The following PTPRA variants were observed in gnomAD, a reference collection of about 807,000 sequenced individuals.
PTPRA encodes the protein protein tyrosine phosphatase receptor type A.
In PTPRA, 25 loss-of-function variants were observed where a neutral mutation model predicts 104.8. That is an observed-to-expected ratio of 0.24 (90% CI 0.17 to 0.33). PTPRA has a LOEUF of 0.33. Ranked by LOEUF, PTPRA falls within the 10% of genes least tolerant of loss-of-function variation. PTPRA has a pLI of 1.00. For missense variants in PTPRA, 765 were observed against 1,015.3 expected (o/e 0.75, Z 3.35); for synonymous variants, 323 against 368.9 (o/e 0.88, Z 1.43).
chr20:2,916,989 C>T (rs1457079887), intron 1 of PTPRA, among the ~76,000 whole-genome samples: 3 of 144,508 alleles, frequency 2.1e-5, no homozygotes, highest in Admixed American at 6.9e-5. Context: ...ACAGAGTCTC[C>T]CTCTATTGCC....
At chr20:2,977,523 T>C (rs1224160301) in intron 6 of PTPRA, among the ~76,000 whole-genome samples, 1 of 151,278 alleles carries the variant, frequency 6.6e-6, no homozygotes, top group African/African-American at 2.4e-5. Context: ...TACGTACCTG[T>C]AGTCCCAGCC....
intron 3 of PTPRA, among the ~76,000 whole-genome samples, chr20:2,948,900 C>A (rs1418478112): frequency 6.6e-6 from 1 of 151,908 alleles, no homozygotes; most frequent in South Asian, 2.1e-4. Context: ...TGCAGTGAGC[C>A]GAGATTGCAC....
At chr20:3,020,733 C>T (rs569036618) in intron 13 of PTPRA, among the ~76,000 whole-genome samples, 1 of 152,166 alleles carries the variant, frequency 6.6e-6, no homozygotes, top group African/African-American at 2.4e-5. Context: ...TCACCTTGAT[C>T]CTAGGGTATC....
At chr20:2,915,806 GGT>G (rs2059883567) in intron 1 of PTPRA, among the ~76,000 whole-genome samples, 1 of 152,058 alleles carries the variant, frequency 6.6e-6, no homozygotes, top group Non-Finnish European at 1.5e-5. Flanking sequence ...TCAGCAAGAT[GGT>G]GCCCATCTCT....
chr20:3,032,750 G>A (rs2065558488), intron 20 of PTPRA, among the ~76,000 whole-genome samples: 1 of 148,878 alleles, frequency 6.7e-6, no homozygotes, highest in Admixed American at 6.7e-5. Context: ...TGGTGGCAGA[G>A]TGAGACTCCA....
intron 2 of PTPRA, among the ~76,000 whole-genome samples, chr20:2,934,620 G>A (rs1391408937): frequency 6.7e-6 from 1 of 149,996 alleles, no homozygotes; most frequent in Non-Finnish European, 1.5e-5. Context: ...GAAAGCTGCA[G>A]TAGTACAGGT....
chr20:2,940,438 AT>A (rs1271100784), intron 2 of PTPRA, among the ~76,000 whole-genome samples: 5 of 152,028 alleles, frequency 3.3e-5, no homozygotes, highest in Non-Finnish European at 5.9e-5. Context: ...CTACAGGCAT[AT>A]ACCCCCATAC....
At chr20:3,020,281 G>A (rs2064795949) in intron 13 of PTPRA, among the ~76,000 whole-genome samples, 1 of 151,766 alleles carries the variant, frequency 6.6e-6, no homozygotes, top group African/African-American at 2.4e-5. Context: ...GTTTTTTTTA[G>A]TAGAGACGGG....
intron 9 of PTPRA, among the ~76,000 whole-genome samples, chr20:3,002,187 G>T (rs1184854881): frequency 3.3e-5 from 5 of 151,452 alleles, no homozygotes; most frequent in Non-Finnish European, 1.5e-5. Flanking sequence ...CAAAAAATTG[G>T]TTCCCTTTGG....
intron 14 of PTPRA, 140 bp from the exon 15 acceptor site, chr20:3,021,913 CT>C (rs928327803): frequency 1.3e-5 from 14 of 1,084,490 alleles, no homozygotes; most frequent in African/African-American, 3.2e-5. Context: ...GTTGTGAGAC[CT>C]TGTGTCTGTG....
intron 6 of PTPRA, among the ~76,000 whole-genome samples, chr20:2,977,952 C>T (rs2062508803): frequency 6.6e-6 from 1 of 151,890 alleles, no homozygotes. Flanking sequence ...GGGAAGGAGG[C>T]ACAGAGATGT....
At position 3,022,278 on chromosome 20, in the gene PTPRA, CA is replaced by C. The variant is rs1293394941; in HGVS notation, c.1328+59del. On this transcript the variant is annotated intron_variant, in intron 15 of 23. Coordinates refer to ENST00000399903, the MANE Select transcript of PTPRA (RefSeq NM_001385305.1). The surrounding 1 kb of genome is among the most constrained non-coding windows in gnomAD (Gnocchi z 4.6). ...CCACATTTCGCCCCCATGGCCAGAG[CA>C]GGGGAACAGCACAAGGGCCCTGGCT... 104 of 1,582,592 alleles carry C rather than the reference CA, an allele frequency of 6.6e-5. No individual in the cohort carries two copies. In the East Asian group the frequency reaches 1.9e-3, roughly 30 times the overall value.
chr20:3,004,840 C>G (rs576748869), intron 9 of PTPRA, among the ~76,000 whole-genome samples: 1 of 152,328 alleles, frequency 6.6e-6, no homozygotes, highest in Non-Finnish European at 1.5e-5. Flanking sequence ...CATTCTGCCC[C>G]CTGAGGATTC....
At chr20:2,893,506 ATATAT>A (rs1453220042) in intron 1 of PTPRA, among the ~76,000 whole-genome samples, 1 of 152,208 alleles carries the variant, frequency 6.6e-6, no homozygotes, top group Non-Finnish European at 1.5e-5. Context: ...GCTGTACTTA[ATATAT>A]TATGTAGCTA....
In PTPRA at chr20:3,022,370, C is replaced by G. The variant is rs1244569363; in HGVS notation, c.1328+150C>G. 1 of 1,074,908 alleles carries G rather than the reference C, an allele frequency of 9.3e-7. No homozygotes were observed. The highest frequency in any genetic ancestry group is 2.5e-5 in the East Asian group (1 of 40,338). 66.6% of individuals were successfully genotyped at this position (1,074,908 alleles called of 1,614,324 possible). On this transcript the variant is annotated intron_variant, in intron 15 of 23. Transcript: ENST00000399903. This position sits in a 1 kb window ranked among gnomAD's most constrained non-coding sequence, Gnocchi z 4.6. Reference sequence around the variant, plus strand: ...GCGCAACAGCCAGAGACTCCAAGTTCTAGTGCAGGGTGGAGAATATGACTT... The same window carrying G: ...GCGCAACAGCCAGAGACTCCAAGTTGTAGTGCAGGGTGGAGAATATGACTT...
intron 3 of PTPRA, among the ~76,000 whole-genome samples, chr20:2,953,517 T>C (rs1311828167): frequency 6.6e-6 from 1 of 152,114 alleles, no homozygotes; most frequent in Non-Finnish European, 1.5e-5. Context: ...CCTCCCGAAG[T>C]GCTGGGATTA....
At chr20:2,866,159 G>A in the PTPRA span, 1 of 1,533,588 alleles carries the variant, frequency 6.5e-7, no homozygotes. Context: ...TAAGAGAGAG[G>A]ACAGGAGGGC....
Position 3,027,827 on chromosome 20 carries a change from G to A in PTPRA, c.1906G>A (p.Glu636Lys). The change falls in exon 20 of 24, where the codon GAG becomes AAG. Residue 636 changes from glutamate (E) to lysine (K), a missense_variant. Coordinates refer to ENST00000399903, the MANE Select transcript of PTPRA (RefSeq NM_001385305.1). Reference sequence around the variant, plus strand: ...CTCTATCGTGATGCTAACAGAACTGGAGGAGAGAGGCCAGGTGAGTTCAAA... The same window carrying A: ...CTCTATCGTGATGCTAACAGAACTGAAGGAGAGAGGCCAGGTGAGTTCAAA... Reference protein sequence around the residue: ...SCSIVMLTELEERGQEKCAQY... With the variant: ...SCSIVMLTELKERGQEKCAQY... 6.2e-7 allele frequency: 1 copy of A among 1,614,150 alleles called. No homozygotes were observed. The highest frequency in any genetic ancestry group is 1.1e-5 in the South Asian group (1 of 91,076).
At chr20:2,864,928 G>T in the PTPRA span, 2 of 1,611,338 alleles carry the variant, frequency 1.2e-6, no homozygotes, top group Non-Finnish European at 1.7e-6. The surrounding 1 kb of genome is among the most constrained non-coding windows in gnomAD (Gnocchi z 5.2). Flanking sequence ...GGTGAGGAGG[G>T]CGAGGGTCCT....
Sources: gnomAD v4.1 joint callset for allele counts (sites outside exome capture counted in the v4.1 genomes callset) on GRCh38, gnomAD v4.1.1 for gene constraint, Gnocchi (gnomAD v3.1) non-coding constraint, MANE v1.5 for transcripts, NCBI Gene and HGNC (gene_info 2026-07-23, HGNC 2026-07-21) for gene names.